KIF13B: variants seen among roughly 807,000 people sequenced by gnomAD.
KIF13B encodes the protein kinesin-like protein KIF13B.
KIF13B carries 127 observed loss-of-function variants against 222.0 expected under a neutral mutation model. That is an observed-to-expected ratio of 0.57 (90% CI 0.50 to 0.66). The LOEUF is 0.66. KIF13B is among the 30% of genes least tolerant of loss of function. The pLI, the probability that KIF13B is intolerant of heterozygous loss-of-function variation, is 0.00. For missense variants in KIF13B, 2,173 were observed against 2,379.0 expected (o/e 0.91, Z 1.80); for synonymous variants, 976 against 919.0 (o/e 1.06, Z -1.12).
chr8:29,104,173 G>A (rs1563702965), intron 35 of KIF13B, among the ~76,000 whole-genome samples: 3 of 150,916 alleles, frequency 2.0e-5, no homozygotes, highest in Non-Finnish European at 2.9e-5. Flanking sequence ...AGCCAACCCC[G>A]CCCCACACTG....
At chr8:29,145,370 C>T (rs973095561) in intron 18 of KIF13B, among the ~76,000 whole-genome samples, 3 of 152,190 alleles carry the variant, frequency 2.0e-5, no homozygotes, top group Non-Finnish European at 4.4e-5. Flanking sequence ...ATAATATCCG[C>T]CTGTAATCCC....
chr8:29,074,922 T>C (rs1163415790), intron 38 of KIF13B, among the ~76,000 whole-genome samples: 5 of 152,250 alleles, frequency 3.3e-5, no homozygotes. Flanking sequence ...AGCATTCGTC[T>C]TTTCACGCTG....
chr8:29,165,749 C>T lies in KIF13B; in HGVS notation c.1182G>A (p.Lys394=). Residue 394 remains lysine (K), a synonymous_variant, in exon 12 of 40, where the codon AAG becomes AAA. Coordinates refer to ENST00000524189, the MANE Select transcript of KIF13B (RefSeq NM_015254.4). ...KAEAMKSPEL[K]DRLEESEKLI... ...GCTTCTCAGATTCTTCCAGCCGGTC[C>T]TTTAGCTCTGGAGATTTCATTGCCT... 1 of 1,613,500 alleles carries T rather than the reference C, an allele frequency of 6.2e-7. No homozygotes were observed. The highest frequency in any genetic ancestry group is 1.3e-5 in the African/African-American group (1 of 75,042).
intron 18 of KIF13B, among the ~76,000 whole-genome samples, chr8:29,142,601 A>C (rs1810867089): frequency 6.6e-6 from 1 of 152,070 alleles, no homozygotes; most frequent in South Asian, 2.1e-4. Flanking sequence ...GCACTTTGGG[A>C]GGCCAAGGCA....
chr8:29,074,551 C>A (rs1384315450), intron 38 of KIF13B, among the ~76,000 whole-genome samples: 1 of 152,256 alleles, frequency 6.6e-6, no homozygotes, highest in Non-Finnish European at 1.5e-5. Flanking sequence ...CCTTCACTGG[C>A]AAGGGGCTTG....
intron 19 of KIF13B, among the ~76,000 whole-genome samples, chr8:29,140,946 AAAG>A (rs1810791474): frequency 6.6e-6 from 1 of 152,296 alleles, no homozygotes; most frequent in South Asian, 2.1e-4. Flanking sequence ...TTGACCAGAA[AAAG>A]AAGTAGAGTG....
intron 2 of KIF13B, among the ~76,000 whole-genome samples, chr8:29,236,944 T>C (rs1815537924): frequency 1.3e-5 from 2 of 152,274 alleles, no homozygotes; most frequent in East Asian, 1.9e-4. Flanking sequence ...AGTATGCTTA[T>C]AGATACATCA....
At chr8:29,160,920 T>C (rs182371172) in intron 12 of KIF13B, 53 bp from the exon 13 acceptor site, 2 of 1,494,084 alleles carry the variant, frequency 1.3e-6, no homozygotes, top group Non-Finnish European at 1.8e-6. Flanking sequence ...GGCAGTGAGA[T>C]ATCCAAGCGT....
At chr8:29,173,881 T>C (rs1435966038) in intron 10 of KIF13B, among the ~76,000 whole-genome samples, 2 of 147,810 alleles carry the variant, frequency 1.4e-5, no homozygotes, top group Non-Finnish European at 3.0e-5. Context: ...AGGTGGAAGT[T>C]GCAGTGAGCC....
chr8:29,118,875 T>A lies in KIF13B; in HGVS notation c.3653A>T (p.Asp1218Val). ...AAGTTAGGCTTTCCTTACCTCCCCA[T>A]CATGCTGCTTCACAATCTGCAATTC... The part of the protein sequence containing the change: ...FFELQIVKQH[D>V]GEVKAEASWD... The change falls in exon 30 of 40, where the codon GAT becomes GTT. Residue 1218 changes from aspartate (D) to valine (V), a missense_variant. Coordinates refer to ENST00000524189, the MANE Select transcript of KIF13B (RefSeq NM_015254.4). 1 of 1,613,894 alleles carries A rather than the reference T, an allele frequency of 6.2e-7. No homozygotes were observed. Among genetic ancestry groups the A allele is most frequent in the South Asian group, 1.1e-5 (1 of 91,056 alleles).
rs1445805611 is a variant in KIF13B, at chr8:29,067,955, G to A, written c.*2549C>T. 6.6e-6 allele frequency: 1 copy of A among 152,446 alleles called. No homozygotes were observed. Among genetic ancestry groups the A allele is most frequent in the African/African-American group, 2.4e-5 (1 of 41,458 alleles). 9.4% of individuals were successfully genotyped at this position (152,446 alleles called of 1,614,324 possible). On this transcript the variant is annotated 3_prime_UTR_variant, in exon 40 of 40. Transcript: ENST00000524189. ...TGTCCCCTCTGCTGCTGGACGCAGT[G>A]CCCGGGGCAGAAGTGAGCCTTCTCA...
At chr8:29,147,261 G>C in intron 17 of KIF13B, 131 bp downstream of exon 17, 1 of 703,532 alleles carries the variant, frequency 1.4e-6, no homozygotes, top group East Asian at 2.7e-5. Flanking sequence ...GTTCTTGGCT[G>C]TTAACACTTA....
chr8:29,102,762 G>A (rs1040876917), intron 35 of KIF13B, among the ~76,000 whole-genome samples: 42 of 152,200 alleles, frequency 2.8e-4, no homozygotes, highest in East Asian at 9.6e-4. Flanking sequence ...CCAGGGCTGC[G>A]TGAAACCATC....
At position 29,126,220 on chromosome 8, in the gene KIF13B, G is replaced by GAGAAACGGATCTTC. The variant is rs1810101829; in HGVS notation, c.3252+248_3252+261dup. 5.9e-5 allele frequency among the ~76,000 whole-genome samples: 9 copies of GAGAAACGGATCTTC among 152,316 alleles called. No individual in the cohort carries two copies. The South Asian group carries it at 1.9e-3, about 32-fold the overall frequency. On this transcript the variant is annotated intron_variant, in intron 26 of 39. Coordinates refer to ENST00000524189, the MANE Select transcript of KIF13B (RefSeq NM_015254.4). ...GAAAATGTCCAGGGAAGAGGATCCA[G>GAGAAACGGATCTTC]AGAAACGGATCTTCAGGGAGCCTGG...
At chr8:29,144,950 C>T (rs1295107411) in intron 18 of KIF13B, among the ~76,000 whole-genome samples, 7 of 152,140 alleles carry the variant, frequency 4.6e-5, no homozygotes, top group Non-Finnish European at 7.4e-5. Context: ...AAAGAGGTTA[C>T]GGAGAAAAGG....
At chr8:29,105,662 T>G (rs1398244456) in intron 35 of KIF13B, among the ~76,000 whole-genome samples, 1 of 129,354 alleles carries the variant, frequency 7.7e-6, no homozygotes. Flanking sequence ...TTTTTTTTTT[T>G]TTTTTTTTTT....
intron 22 of KIF13B, 45 bp downstream of exon 22, chr8:29,133,995 A>G (rs1200464372): frequency 6.4e-7 from 1 of 1,559,666 alleles, no homozygotes; most frequent in Non-Finnish European, 8.7e-7. Flanking sequence ...TTTTGTTTTC[A>G]CATGAGTAAT....
chr8:29,169,091 T>C (rs968499918), intron 10 of KIF13B, among the ~76,000 whole-genome samples: 1 of 152,220 alleles, frequency 6.6e-6, no homozygotes, highest in Non-Finnish European at 1.5e-5. Context: ...GGGGCAGCAT[T>C]AACCTATGGA....
rs1181728278 is a variant in KIF13B, at chr8:29,075,360, G to A, written c.4459-17C>T. Reference sequence around the variant, plus strand: ...GGGCACGGGCTGAGGAGGCAAGTGTGCAGGTCAGGGGTCGAGAGGACAGAA... The same window carrying A: ...GGGCACGGGCTGAGGAGGCAAGTGTACAGGTCAGGGGTCGAGAGGACAGAA... On this transcript the variant is annotated splice_polypyrimidine_tract_variant and intron_variant, in intron 37 of 39. Coordinates refer to ENST00000524189, the MANE Select transcript of KIF13B (RefSeq NM_015254.4). 1.9e-6 allele frequency: 3 copies of A among 1,553,804 alleles called. No individual in the cohort carries two copies. The highest frequency in any genetic ancestry group is 1.2e-5 in the South Asian group (1 of 84,042).
Sources: allele counts gnomAD v4.1 joint callset (sites outside exome capture counted in the v4.1 genomes callset), GRCh38; gene constraint gnomAD v4.1.1; transcripts MANE v1.5; gene names NCBI Gene and HGNC (gene_info 2026-07-23, HGNC 2026-07-21).